Variants in FBXO34 observed in about 807,000 individuals in gnomAD.
FBXO34 encodes F-box protein 34.
Under a neutral mutation model 24.5 loss-of-function variants are expected in FBXO34, and 12 were observed. The observed-to-expected ratio is 0.49, with a 90% confidence interval of 0.31 to 0.79. The LOEUF (loss-of-function observed/expected upper bound fraction) is 0.79. Ranked by LOEUF, FBXO34 falls within the 30% of genes least tolerant of loss-of-function variation. The probability of loss-of-function intolerance (pLI) is 0.04; values close to 1 mark genes in which losing one functional copy is unlikely to be tolerated. For missense variants in FBXO34, 823 were observed against 857.7 expected, an observed-to-expected ratio of 0.96 and a Z score of 0.51; for synonymous variants, 320 against 311.9, an observed-to-expected ratio of 1.03 and a Z score of -0.27.
chr14:55,400,273 T>C, the FBXO34 span, among the ~76,000 whole-genome samples: 16 of 152,120 alleles, frequency 1.1e-4, no homozygotes, highest in South Asian at 2.1e-4. Flanking sequence ...AAAAATAGAG[T>C]ATCACTATAT....
chr14:55,440,910 C>T, the FBXO34 span, among the ~76,000 whole-genome samples: 12 of 152,206 alleles, frequency 7.9e-5, no homozygotes, highest in African/African-American at 2.9e-4. Flanking sequence ...CGCCCAGTGC[C>T]ATCTTGGCTC....
chr14:55,336,595 A>C (rs559766789), intron 1 of FBXO34, among the ~76,000 whole-genome samples: 11 of 152,302 alleles, frequency 7.2e-5, no homozygotes, highest in African/African-American at 2.6e-4. Context: ...AGCTATGTAC[A>C]GAAATAGTAG....
At chr14:55,292,905 C>A (rs773897456) in intron 1 of FBXO34, among the ~76,000 whole-genome samples, 1 of 151,408 alleles carries the variant, frequency 6.6e-6, no homozygotes, top group African/African-American at 2.4e-5. Flanking sequence ...TTTTTTGAAA[C>A]GGAGTCTCAC....
the FBXO34 span, among the ~76,000 whole-genome samples, chr14:55,434,818 C>T: frequency 6.6e-6 from 1 of 152,232 alleles, no homozygotes; most frequent in African/African-American, 2.4e-5. Flanking sequence ...TTGATGCCTG[C>T]AAGGTCTCTG....
chr14:55,271,684 C>T (rs1276866249), intron 1 of FBXO34, 147 bp downstream of exon 1: 1 of 149,836 alleles, frequency 6.7e-6, no homozygotes, highest in Non-Finnish European at 1.5e-5. Flanking sequence ...GGGGCGCCGC[C>T]CGCGGGTCCG....
At chr14:55,391,026 T>G in the FBXO34 span, 1 of 1,413,686 alleles carries the variant, frequency 7.1e-7, no homozygotes, top group Admixed American at 1.9e-5. Context: ...TCACAAACGT[T>G]GGTCTCTTAT....
intron 1 of FBXO34, among the ~76,000 whole-genome samples, chr14:55,296,228 G>C (rs1882116568): frequency 6.6e-6 from 1 of 151,982 alleles, no homozygotes; most frequent in South Asian, 2.1e-4. Context: ...GAAGAGTTTA[G>C]CTTCTTTTTG....
intron 1 of FBXO34, among the ~76,000 whole-genome samples, chr14:55,348,327 C>G (rs1884226770): frequency 6.6e-6 from 1 of 151,858 alleles, no homozygotes; most frequent in African/African-American, 2.4e-5. Flanking sequence ...CTCTTGGGCT[C>G]AATAGATCCT....
chr14:55,280,163 A>T lies in FBXO34; in HGVS notation c.-11+8626A>T, dbSNP rs192070444. On this transcript the variant is annotated intron_variant, in intron 1 of 1. Coordinates refer to ENST00000313833, the MANE Select transcript of FBXO34 (RefSeq NM_017943.4). The stretch of plus-strand genomic sequence containing the variant: ...ATTAGTACATGATATATGTACATAC[A>T]TGTATATATATCACATCATATTTGT... 9.1e-4 allele frequency among the ~76,000 whole-genome samples: 138 copies of T among 152,308 alleles called. 1 individual carries two copies. The Middle Eastern group carries it at 0.02, about 23-fold the overall frequency.
chr14:55,440,578 C>G, the FBXO34 span: 917 of 1,559,980 alleles, frequency 5.9e-4, 1 homozygote, highest in Non-Finnish European at 4.4e-4. Flanking sequence ...GCGGGGCGGC[C>G]CTCGGCCCAG....
At chr14:55,403,281 A>C in the FBXO34 span, among the ~76,000 whole-genome samples, 1 of 152,086 alleles carries the variant, frequency 6.6e-6, no homozygotes, top group African/African-American at 2.4e-5. Flanking sequence ...CACTGCAACG[A>C]ATGATTCTGC....
At chr14:55,291,767 T>C (rs1370855021) in intron 1 of FBXO34, among the ~76,000 whole-genome samples, 1 of 151,806 alleles carries the variant, frequency 6.6e-6, no homozygotes, top group East Asian at 1.9e-4. Context: ...GCCCAGAAGT[T>C]TGAGACCACC....
intron 1 of FBXO34, among the ~76,000 whole-genome samples, chr14:55,322,170 C>T (rs1466692921): frequency 2.6e-5 from 4 of 151,924 alleles, no homozygotes; most frequent in Admixed American, 6.6e-5. Flanking sequence ...ATTAGCTGGG[C>T]GTGGTGGCGG....
intron 1 of FBXO34, among the ~76,000 whole-genome samples, chr14:55,333,763 A>T (rs1374004119): frequency 6.6e-6 from 1 of 150,660 alleles, no homozygotes; most frequent in East Asian, 2.0e-4. Flanking sequence ...CCTATTAGAC[A>T]GCTGTGTTTA....
exon 3 of FBXO34, chr14:55,367,232 C>T (rs910297929): frequency 3.3e-5 from 5 of 152,224 alleles, no homozygotes; most frequent in East Asian, 1.9e-4. Context: ...TCTCCACCAC[C>T]AAGCTCCAAA....
At chr14:55,414,598 G>C in the FBXO34 span, 1 of 619,008 alleles carries the variant, frequency 1.6e-6, no homozygotes, top group Non-Finnish European at 2.6e-6. Flanking sequence ...TTTATTCCGG[G>C]TAAATAATTT....
intron 1 of FBXO34, among the ~76,000 whole-genome samples, chr14:55,288,560 A>C (rs1397319153): frequency 6.6e-6 from 1 of 152,184 alleles, no homozygotes; most frequent in Admixed American, 6.5e-5. Context: ...TTTCTCAGAA[A>C]TCCTCATTTT....
At chr14:55,395,214 C>A in the FBXO34 span, 1 of 379,410 alleles carries the variant, frequency 2.6e-6, no homozygotes, top group Non-Finnish European at 5.3e-6. Flanking sequence ...TTCAGTGGAG[C>A]TGACCTTCCT....
the FBXO34 span, among the ~76,000 whole-genome samples, chr14:55,406,964 C>CTTT: frequency 7.1e-6 from 1 of 141,456 alleles, no homozygotes; most frequent in Admixed American, 7.1e-5. Flanking sequence ...TTGAGATTGT[C>CTTT]TTTTTTTTTT....
Sources: gnomAD v4.1 joint callset for allele counts (sites outside exome capture counted in the v4.1 genomes callset) on GRCh38, gnomAD v4.1.1 for gene constraint, MANE v1.5 for transcripts, NCBI Gene and HGNC (gene_info 2026-07-23, HGNC 2026-07-21) for gene names.